The following MUC12 variants were observed in gnomAD, a reference collection of about 807,000 sequenced individuals.
MUC12 encodes mucin 12, cell surface associated.
In MUC12, 172 loss-of-function variants were observed where a neutral mutation model predicts 230.8. That is an observed-to-expected ratio of 0.75 (90% confidence interval 0.66 to 0.85). MUC12 has a LOEUF of 0.85. Among genes scored for constraint, MUC12 ranks in the 40% least tolerant of loss-of-function variants. The pLI is 0.00. For synonymous variants in MUC12, 1,259 were observed against 2,401.9 expected, an observed-to-expected ratio of 0.52 and a Z score of 13.91; for missense variants, 3,506 against 5,920.6, an observed-to-expected ratio of 0.59 and a Z score of 13.38.
Position 101,004,991 on chromosome 7 carries a change from C to G in MUC12, c.14428C>G (p.Pro4810Ala), listed in dbSNP as rs973971376. 6.5e-7 allele frequency: 1 copy of G among 1,537,518 alleles called. No individual in the cohort carries two copies. The highest frequency in any genetic ancestry group is 1.4e-5 in the African/African-American group (1 of 72,992). Residue 4810 changes from proline to alanine, a missense_variant, in exon 2 of 12, where the codon CCT becomes GCT. Transcript: ENST00000536621. ...AGGCTCAACTGAGACAACACTGTCC[C>G]CTGGCAGCATCACAACTTCATCTTT... ...KPGSTETTLSPGSITTSSFAQ... is the reference protein window; with the variant it reads ...KPGSTETTLSAGSITTSSFAQ...
intron 1 of MUC12, among the ~76,000 whole-genome samples, chr7:100,984,332 C>T (rs1002430464): frequency 2.0e-5 from 3 of 151,024 alleles, no homozygotes; most frequent in African/African-American, 7.3e-5. Flanking sequence ...TCTTGGATCA[C>T]TGCAACCTCT....
chr7:101,004,257 C>G lies in MUC12; in HGVS notation c.13694C>G (p.Ser4565Cys), dbSNP rs752121822. 4 of 541,550 alleles carry G rather than the reference C, an allele frequency of 7.4e-6. No individual in the cohort carries two copies. The South Asian group carries it at 8.5e-5, about 11-fold the overall frequency. The allele number at this position is 541,550 out of a possible 1,614,324, so 33.5% of individuals were successfully genotyped here. Reference protein sequence around the residue: ...STPTTHFSASSTTLGRSEEST... With the variant: ...STPTTHFSASCTTLGRSEEST... ...CCAACAACCCACTTTTCTGCCAGCT[C>G]CACAACCTTGGGCCGTAGTGAGGAA... Residue 4565 changes from serine to cysteine, a missense_variant, in exon 2 of 12, where the codon TCC becomes TGC. Coordinates refer to ENST00000536621, the MANE Select transcript of MUC12 (RefSeq NM_001164462.2).
intron 11 of MUC12, 76 bp downstream of exon 11, chr7:101,017,739 C>G: frequency 9.6e-7 from 1 of 1,045,052 alleles, no homozygotes; most frequent in East Asian, 3.8e-5. Flanking sequence ...CCCCGGGACT[C>G]CCTTCTCCCC....
chr7:100,971,284 C>G (rs1442693913), intron 1 of MUC12, among the ~76,000 whole-genome samples: 2 of 152,420 alleles, frequency 1.3e-5, no homozygotes, highest in Non-Finnish European at 1.5e-5. Flanking sequence ...GACTCTGACC[C>G]GCTGATTTCC....
At position 100,991,553 on chromosome 7, in the gene MUC12, G is replaced by A. The variant is rs773187960; in HGVS notation, c.990G>A (p.Ser330=). The A allele has an allele frequency of 2.5e-5, 38 of 1,536,376 alleles. No homozygotes were observed. The highest frequency in any genetic ancestry group is 3.1e-5 in the Non-Finnish European group (35 of 1,146,458). ...CAACCTTGGGCCATAGTGAGGAATC[G>A]ACACCAGTCCACAGCAGCCCAGTTG... ...SSTTLGHSEE[S]TPVHSSPVAT... The change falls in exon 2 of 12, where the codon TCG becomes TCA. Residue 330 remains serine (S), a synonymous_variant. Transcript: ENST00000536621.
chr7:101,007,719 G>C (rs1189008278), intron 3 of MUC12, among the ~76,000 whole-genome samples: 5 of 152,204 alleles, frequency 3.3e-5, no homozygotes, highest in African/African-American at 1.2e-4. Flanking sequence ...GGAGTGCAGA[G>C]ATCTCTTCAA....
chr7:100,991,176 A>C lies in MUC12; in HGVS notation c.613A>C (p.Thr205Pro). 1 of 1,537,614 alleles carries C rather than the reference A, an allele frequency of 6.5e-7. No homozygotes were observed. The highest frequency in any genetic ancestry group is 2.4e-5 in the East Asian group (1 of 40,900). Residue 205 changes from threonine to proline, a missense_variant, in exon 2 of 12, where the codon ACA becomes CCA. By Grantham distance (38) the Thr-to-Pro change is conservative. Transcript: ENST00000536621. The part of the protein sequence containing the change: ...ASHSIPGSTD[T>P]TLSPGTTTPS... ...CCACAGCATCCCCGGCTCCACAGAC[A>C]CAACACTGTCCCCTGGCACTACCAC...
Position 100,991,578 on chromosome 7 carries a change from G to A in MUC12, c.1015G>A (p.Ala339Thr). 6.5e-7 allele frequency: 1 copy of A among 1,536,812 alleles called. No homozygotes were observed. Among genetic ancestry groups the A allele is most frequent in the African/African-American group, 1.4e-5 (1 of 73,038 alleles). The change falls in exon 2 of 12, where the codon GCA (alanine) becomes ACA (threonine). Residue 339 changes from alanine to threonine, a missense_variant. Coordinates refer to ENST00000536621, the MANE Select transcript of MUC12 (RefSeq NM_001164462.2). ...ESTPVHSSPVATATTPPPARS... is the reference protein window; with the variant it reads ...ESTPVHSSPVTTATTPPPARS... ...GACACCAGTCCACAGCAGCCCAGTT[G>A]CAACTGCAACAACACCCCCACCTGC...
In MUC12 at chr7:100,991,098, G is replaced by T; in HGVS notation, c.535G>T (p.Ala179Ser). Residue 179 changes from alanine to serine, a missense_variant, in exon 2 of 12, where the codon GCG (alanine) becomes TCG (serine). By Grantham distance (99) the Ala-to-Ser change is moderately conservative (BLOSUM62 1). Coordinates refer to ENST00000536621, the MANE Select transcript of MUC12 (RefSeq NM_001164462.2). ...HSRPGPTHTIAFPDSTTMPGV... is the reference protein window; with the variant it reads ...HSRPGPTHTISFPDSTTMPGV... ...CCGACCAGGCCCAACGCACACAATAGCGTTCCCTGACAGTACCACCATGCC... is the reference window on the plus strand; with the variant it reads ...CCGACCAGGCCCAACGCACACAATATCGTTCCCTGACAGTACCACCATGCC... 6.5e-7 allele frequency: 1 copy of T among 1,537,456 alleles called. No homozygotes were observed. Among genetic ancestry groups the T allele is most frequent in the Non-Finnish European group, 8.7e-7 (1 of 1,146,814 alleles).
At chr7:101,007,506 T>G (rs1793773544) in intron 3 of MUC12, among the ~76,000 whole-genome samples, 1 of 152,200 alleles carries the variant, frequency 6.6e-6, no homozygotes, top group Non-Finnish European at 1.5e-5. Context: ...CATGCAATGT[T>G]TGTCTTTCTG....
Position 101,015,708 on chromosome 7 carries a change from G to A in MUC12, c.15877+17G>A. ...TCTGGGAAGGTACCTCTAGTTAAGG[G>A]CAAGGAGATGAGCAGAGCTGGAGGG... On this transcript the variant is annotated intron_variant, in intron 10 of 11. Transcript: ENST00000536621. 1 of 1,534,652 alleles carries A rather than the reference G, an allele frequency of 6.5e-7. No homozygotes were observed. The highest frequency in any genetic ancestry group is 8.7e-7 in the Non-Finnish European group (1 of 1,144,368).
In MUC12 at chr7:100,995,588, C is replaced by T. The variant is rs780753423; in HGVS notation, c.5025C>T (p.Ser1675=). The T allele has an allele frequency of 1.3e-6, 2 of 1,536,818 alleles. No individual in the cohort carries two copies. The highest frequency in any genetic ancestry group is 1.4e-5 in the African/African-American group (1 of 72,198). The change falls in exon 2 of 12, where the codon TCC becomes TCT. Residue 1675 remains serine (S), a synonymous_variant. Transcript: ENST00000536621. The part of the protein sequence containing the change: ...SSTGSPHTTL[S]PAGSTTRQGE... ...CTGGATCGCCACACACAACACTGTCCCCTGCCGGCTCTACAACACGTCAGG... is the reference window on the plus strand; with the variant it reads ...CTGGATCGCCACACACAACACTGTCTCCTGCCGGCTCTACAACACGTCAGG...
chr7:100,971,342 G>C (rs1792889060), intron 1 of MUC12, among the ~76,000 whole-genome samples: 1 of 152,304 alleles, frequency 6.6e-6, no homozygotes, highest in Non-Finnish European at 1.5e-5. Context: ...GGGTGGACAG[G>C]GATGAGGAGA....
rs1449414730 is a variant in MUC12 at position 100,991,289 on chromosome 7, C to T, written c.726C>T (p.Thr242=). The T allele has an allele frequency of 6.5e-7, 1 of 1,537,734 alleles. No individual in the cohort carries two copies. Among genetic ancestry groups the T allele is most frequent in the South Asian group, 1.2e-5 (1 of 84,034 alleles). ...KTTRLPDNTT[T]SGLLEASTPV... Reference sequence around the variant, plus strand: ...CACGCTTACCTGACAACACCACAACCTCAGGCCTCCTTGAAGCATCTACGC... The same window carrying T: ...CACGCTTACCTGACAACACCACAACTTCAGGCCTCCTTGAAGCATCTACGC... The change falls in exon 2 of 12, where the codon ACC becomes ACT. Residue 242 remains threonine (T), a synonymous_variant. Transcript: ENST00000536621.
chr7:101,005,119 C>G lies in MUC12; in HGVS notation c.14556C>G (p.Thr4852=), dbSNP rs1157774856. The change falls in exon 2 of 12, where the codon ACC becomes ACG. Residue 4852 remains threonine (T), a synonymous_variant. Transcript: ENST00000536621. ...CAGGCCTTAGTGAGGAATCTACCAC[C>G]TTCTACAGCAGCCCAGGCTCAACTG... ...TVPGLSEEST[T]FYSSPGSTET... The G allele has an allele frequency of 6.5e-7, 1 of 1,537,946 alleles. No individual in the cohort carries two copies. Among genetic ancestry groups the G allele is most frequent in the South Asian group, 1.2e-5 (1 of 84,064 alleles).
chr7:100,981,616 A>G, intron 1 of MUC12: 1 of 428,702 alleles, frequency 2.3e-6, no homozygotes, highest in Non-Finnish European at 4.1e-6. Context: ...GTGACCTGCG[A>G]GGGCAACTGT....
intron 5 of MUC12, 150 bp downstream of exon 5, chr7:101,009,309 C>T (rs1793807239): frequency 1.3e-6 from 1 of 778,610 alleles, no homozygotes; most frequent in Admixed American, 2.3e-5. Context: ...GGCTGTGACA[C>T]CTTTCATTCT....
At position 101,002,441 on chromosome 7, in the gene MUC12, G is replaced by A. The variant is rs1793620234; in HGVS notation, c.11878G>A (p.Gly3960Ser). The A allele has an allele frequency of 6.5e-7, 1 of 1,537,714 alleles. No individual in the cohort carries two copies. Among genetic ancestry groups the A allele is most frequent in the African/African-American group, 1.4e-5 (1 of 72,996 alleles). ...TLSPATTTSS[G>S]VSEESSTSHS... ...CTCACCTGCAACCACAACAAGCTCA[G>A]GCGTCAGCGAAGAATCCAGCACATC... Residue 3960 changes from glycine (G) to serine (S), a missense_variant, in exon 2 of 12, where the codon GGC becomes AGC. By Grantham distance (56) the Gly-to-Ser change is moderately conservative. Transcript: ENST00000536621.
rs374084598 is a variant in MUC12, at chr7:100,992,250, T to C, written c.1687T>C (p.Leu563=). The C allele has an allele frequency of 2.8e-5, 43 of 1,536,778 alleles. No homozygotes were observed. Among genetic ancestry groups the C allele is most frequent in the African/African-American group, 9.6e-5 (7 of 72,860 alleles). The change falls in exon 2 of 12, where the codon TTG becomes CTG. Residue 563 remains leucine (L), a synonymous_variant. Transcript: ENST00000536621. ...CAGCCCAGGCCCCACAGACACAACA[T>C]TGTCCCCTGGCAGTACCACAGCATC... ...HSSPGPTDTT[L]SPGSTTASSL...
Sources: allele counts gnomAD v4.1 joint callset (sites outside exome capture counted in the v4.1 genomes callset), GRCh38; gene constraint gnomAD v4.1.1; transcripts MANE v1.5; gene names NCBI Gene and HGNC (gene_info 2026-07-23, HGNC 2026-07-21).